SLC26A7: variants seen among roughly 807,000 people sequenced by gnomAD.
The protein encoded by SLC26A7 is solute carrier family 26 member 7.
A neutral mutation model predicts 82.5 loss-of-function variants in SLC26A7; 59 were observed. The ratio of observed to expected loss-of-function variants is 0.72; its 90% CI spans 0.58 to 0.89. SLC26A7 has a LOEUF of 0.89. SLC26A7 is among the 40% of genes least tolerant of loss of function. The pLI, the probability that SLC26A7 is intolerant of heterozygous loss-of-function variation, is 0.00. For missense variants in SLC26A7, 820 were observed against 793.0 expected (o/e 1.03, Z -0.41); for synonymous variants, 271 against 274.3 (o/e 0.99, Z 0.12).
chr8:91,219,079 A>T, intron 2 of SLC26A7: 1 of 620,836 alleles, frequency 1.6e-6, no homozygotes, highest in Admixed American at 3.4e-5. Context: ...CCTACTTAAG[A>T]TACCATGCCT....
intron 9 of SLC26A7, among the ~76,000 whole-genome samples, chr8:91,347,177 A>G (rs1046281364): frequency 2.6e-5 from 4 of 152,148 alleles, no homozygotes; most frequent in African/African-American, 9.7e-5. Flanking sequence ...CTATAAAAGA[A>G]AACTACCAGT....
chr8:91,393,678 G>T, intron 16 of SLC26A7, 119 bp from the exon 17 acceptor site: 1 of 1,032,264 alleles, frequency 9.7e-7, no homozygotes, highest in Non-Finnish European at 1.5e-6. Flanking sequence ...CCTCCCTCTG[G>T]TGGTTTGACT....
At chr8:91,289,408 T>C (rs1811802370) in intron 3 of SLC26A7, among the ~76,000 whole-genome samples, 162 bp downstream of exon 3, 1 of 152,196 alleles carries the variant, frequency 6.6e-6, no homozygotes, top group Non-Finnish European at 1.5e-5. Flanking sequence ...CAATATACAC[T>C]GTGGTTTATT....
intron 4 of SLC26A7, among the ~76,000 whole-genome samples, chr8:91,296,516 G>A (rs1177886382): frequency 4.6e-5 from 7 of 152,160 alleles, no homozygotes; most frequent in South Asian, 2.1e-4. Context: ...CAAGAAGGGC[G>A]AAAAATAGTT....
chr8:91,218,531 C>T (rs73697150), intron 1 of SLC26A7, among the ~76,000 whole-genome samples: 3,148 of 152,144 alleles, frequency 0.021, 99 homozygotes, highest in African/African-American at 0.072. Context: ...AAGTTCAGTA[C>T]GTATTTGCTG....
intron 1 of SLC26A7, among the ~76,000 whole-genome samples, chr8:91,215,958 G>A (rs965319383): frequency 1.3e-5 from 2 of 152,166 alleles, no homozygotes; most frequent in Non-Finnish European, 2.9e-5. Context: ...AAGGTGGTAC[G>A]AGAATTTCAT....
intron 2 of SLC26A7, among the ~76,000 whole-genome samples, chr8:91,224,463 G>C (rs1810205644): frequency 6.6e-6 from 1 of 152,098 alleles, no homozygotes; most frequent in Non-Finnish European, 1.5e-5. Flanking sequence ...GCTGCAGTTG[G>C]CTGGGGGTTC....
intron 2 of SLC26A7, among the ~76,000 whole-genome samples, chr8:91,288,823 C>G (rs553875068): frequency 3.3e-5 from 5 of 152,246 alleles, no homozygotes; most frequent in Non-Finnish European, 7.4e-5. Context: ...TTTAGTGTGC[C>G]TGGAGATATT....
At chr8:91,327,292 G>A (rs1563681033) in intron 5 of SLC26A7, among the ~76,000 whole-genome samples, 1 of 152,132 alleles carries the variant, frequency 6.6e-6, no homozygotes, top group Non-Finnish European at 1.5e-5. Flanking sequence ...TAATTTCAAA[G>A]CTATTTCAGG....
At chr8:91,273,013 T>A (rs962972518) in intron 2 of SLC26A7, among the ~76,000 whole-genome samples, 1 of 152,100 alleles carries the variant, frequency 6.6e-6, no homozygotes, top group East Asian at 1.9e-4. Context: ...TAAGTTTAGA[T>A]CAGTGTTTTA....
rs61581659 is a variant in SLC26A7 at position 91,316,988 on chromosome 8, T to TAAA, written c.478-1197_478-1195dup. ...GGGCAACACAGTGAGACCCTGTCTC[T>TAAA]AAAAAAAAAAAAAAAAAAAAAAAAA... On this transcript the variant is annotated intron_variant, in intron 4 of 18. Transcript: ENST00000276609. 9.0e-4 allele frequency among the ~76,000 whole-genome samples: 14 copies of TAAA among 15,540 alleles called. 1 individual carries two copies. Among genetic ancestry groups the TAAA allele is most frequent in the Admixed American group, 1.3e-3 (1 of 796 alleles). 10.2% of individuals were successfully genotyped at this position (15,540 alleles called of 152,430 possible).
intron 8 of SLC26A7, among the ~76,000 whole-genome samples, chr8:91,342,868 G>C (rs1397661323): frequency 1.3e-5 from 2 of 152,270 alleles, no homozygotes; most frequent in East Asian, 3.9e-4. Flanking sequence ...AACCACAAAA[G>C]GCATTAAAAT....
chr8:91,245,784 C>A (rs991136164), upstream of SLC26A7, among the ~76,000 whole-genome samples: 1 of 152,152 alleles, frequency 6.6e-6, no homozygotes, highest in African/African-American at 2.4e-5. Flanking sequence ...TTATAACCTG[C>A]ACAGCATTTC....
intron 2 of SLC26A7, among the ~76,000 whole-genome samples, chr8:91,276,666 G>A (rs917062591): frequency 1.3e-5 from 2 of 152,136 alleles, no homozygotes; most frequent in African/African-American, 4.8e-5. Flanking sequence ...CTCTCATCAG[G>A]ATTCACACTG....
chr8:91,216,372 A>G (rs1810048368), intron 1 of SLC26A7, among the ~76,000 whole-genome samples: 1 of 152,168 alleles, frequency 6.6e-6, no homozygotes, highest in Non-Finnish European at 1.5e-5. Context: ...AATGCCTTTA[A>G]TACTTTCTAT....
chr8:91,392,685 G>T (rs184038961), intron 16 of SLC26A7, among the ~76,000 whole-genome samples: 2 of 152,122 alleles, frequency 1.3e-5, no homozygotes, highest in African/African-American at 4.8e-5. Flanking sequence ...CATAAGAAAC[G>T]TTCTCTTGGG....
At chr8:91,323,096 G>T (rs765223766) in intron 5 of SLC26A7, among the ~76,000 whole-genome samples, 1 of 152,148 alleles carries the variant, frequency 6.6e-6, no homozygotes, top group Non-Finnish European at 1.5e-5. Context: ...TGGGATTTCT[G>T]AATCAAGAAC....
At chr8:91,321,998 T>C (rs1322877777) in intron 5 of SLC26A7, among the ~76,000 whole-genome samples, 2 of 152,172 alleles carry the variant, frequency 1.3e-5, no homozygotes, top group Non-Finnish European at 2.9e-5. Flanking sequence ...GTGGAAGCCA[T>C]TGTCTTTCTT....
intron 2 of SLC26A7, among the ~76,000 whole-genome samples, chr8:91,220,675 A>G (rs1039255465): frequency 1.3e-5 from 2 of 152,208 alleles, no homozygotes; most frequent in African/African-American, 4.8e-5. Context: ...TGCAAAGGAC[A>G]TGATCTCATT....
Sources: allele counts gnomAD v4.1 joint callset (sites outside exome capture counted in the v4.1 genomes callset), GRCh38; gene constraint gnomAD v4.1.1; transcripts MANE v1.5; gene names NCBI Gene and HGNC (gene_info 2026-07-23, HGNC 2026-07-21).